TRPM7: variants seen among roughly 807,000 people sequenced by gnomAD.
TRPM7 encodes the protein LTRPC ion channel family member 7.
In TRPM7, 134 loss-of-function variants were observed where a neutral mutation model predicts 229.7. The observed-to-expected ratio is 0.58, with a 90% confidence interval of 0.51 to 0.67. TRPM7 has a LOEUF of 0.67. Among genes scored for constraint, TRPM7 ranks in the 30% least tolerant of loss-of-function variants. The pLI is 0.00. For missense variants in TRPM7, 1,901 were observed against 2,210.0 expected, an observed-to-expected ratio of 0.86 and a Z score of 2.80; for synonymous variants, 699 against 715.2, an observed-to-expected ratio of 0.98 and a Z score of 0.36.
intron 6 of TRPM7, 29 bp from the exon 7 acceptor site, chr15:50,637,622 G>A: frequency 6.3e-7 from 1 of 1,594,134 alleles, no homozygotes; most frequent in Non-Finnish European, 8.6e-7. Context: ...AAGAGTTAGT[G>A]AGCAGGATTA....
intron 7 of TRPM7, among the ~76,000 whole-genome samples, chr15:50,636,530 T>A (rs1457459121): frequency 6.6e-6 from 1 of 152,160 alleles, no homozygotes; most frequent in African/African-American, 2.4e-5. Context: ...TCCACCATAA[T>A]CTGTAAACAC....
chr15:50,615,424 T>C (rs1248783896), intron 13 of TRPM7, among the ~76,000 whole-genome samples: 1 of 152,272 alleles, frequency 6.6e-6, no homozygotes, highest in South Asian at 2.1e-4. Context: ...CATTTTCCCA[T>C]GGCAATTTAC....
chr15:50,560,760 G>T lies in TRPM7; in HGVS notation c.*918C>A, dbSNP rs950419611. 1.3e-5 allele frequency: 2 copies of T among 152,516 alleles called. No homozygotes were observed. The highest frequency in any genetic ancestry group is 2.9e-5 in the Non-Finnish European group (2 of 68,018). 9.4% of individuals were successfully genotyped at this position (152,516 alleles called of 1,614,324 possible). On this transcript the variant is annotated 3_prime_UTR_variant, in exon 39 of 39. Transcript: ENST00000646667. ...TGTTCCAACACAATTTTAAATATAT[G>T]CAAGAGTTCATGTTTACATTCTGAT... is the stretch of plus-strand genomic sequence containing the variant.
intron 31 of TRPM7, 145 bp downstream of exon 31, chr15:50,578,494 A>T: frequency 1.9e-6 from 1 of 526,600 alleles, no homozygotes; most frequent in Non-Finnish European, 3.3e-6. Flanking sequence ...GTAAGGAGAA[A>T]GTATATGAGG....
Position 50,580,864 on chromosome 15 carries a change from G to A in TRPM7, c.4592+10C>T. The A allele has an allele frequency of 6.3e-7, 1 of 1,580,720 alleles. No homozygotes were observed. The highest frequency in any genetic ancestry group is 8.6e-7 in the Non-Finnish European group (1 of 1,169,576). ...CTTCGCAAGCTAATGGTAAGAAAAA[G>A]CTTACTTACATTTCTCTGTTTGATG... On this transcript the variant is annotated intron_variant, in intron 30 of 38. Coordinates refer to ENST00000646667, the MANE Select transcript of TRPM7 (RefSeq NM_017672.6).
At chr15:50,672,866 T>G (rs1398439916) in intron 1 of TRPM7, among the ~76,000 whole-genome samples, 1 of 112,110 alleles carries the variant, frequency 8.9e-6, no homozygotes, top group African/African-American at 3.5e-5. Flanking sequence ...GCCACTGCAC[T>G]CCAGCCAGGG....
chr15:50,577,465 T>A (rs906988998), intron 31 of TRPM7, among the ~76,000 whole-genome samples: 1 of 152,106 alleles, frequency 6.6e-6, no homozygotes, highest in African/African-American at 2.4e-5. Context: ...GAGAACTGCT[T>A]GAACCTGGGA....
chr15:50,583,706 A>G (rs2054542589), intron 28 of TRPM7, among the ~76,000 whole-genome samples: 1 of 151,738 alleles, frequency 6.6e-6, no homozygotes, highest in African/African-American at 2.4e-5. Flanking sequence ...CCTCCCTAGT[A>G]GCTGGCATTA....
intron 17 of TRPM7, 54 bp from the exon 18 acceptor site, chr15:50,610,015 A>G (rs2140466565): frequency 1.6e-6 from 2 of 1,246,110 alleles, no homozygotes; most frequent in South Asian, 1.6e-5. Flanking sequence ...CTTCAAGAAT[A>G]TAATAAAAAC....
intron 15 of TRPM7, 150 bp downstream of exon 15, chr15:50,613,557 C>A: frequency 6.1e-6 from 2 of 328,962 alleles, no homozygotes; most frequent in Non-Finnish European, 1.1e-5. Flanking sequence ...ATTAATATCT[C>A]TGTGTGTGAG....
chr15:50,597,288 A>C (rs1473952597), intron 22 of TRPM7, among the ~76,000 whole-genome samples: 1 of 152,188 alleles, frequency 6.6e-6, no homozygotes, highest in African/African-American at 2.4e-5. Context: ...GAATAAAGTA[A>C]ATTAGGCAGG....
chr15:50,584,633 T>A (rs966418353), intron 28 of TRPM7, among the ~76,000 whole-genome samples: 68 of 151,306 alleles, frequency 4.5e-4, no homozygotes, highest in African/African-American at 1.0e-3. Context: ...TTTTTTTTTT[T>A]AAATTTTGGA....
intron 36 of TRPM7, 37 bp downstream of exon 36, chr15:50,574,237 G>A (rs750413105): frequency 5.6e-5 from 85 of 1,509,546 alleles, no homozygotes; most frequent in Middle Eastern, 5.2e-4. Context: ...AGAACCTACT[G>A]CAGAATTTCA....
At chr15:50,594,325 C>T in intron 24 of TRPM7, 104 bp downstream of exon 24, 3 of 1,078,428 alleles carry the variant, frequency 2.8e-6, no homozygotes, top group Non-Finnish European at 4.0e-6. Flanking sequence ...TCTACCATAA[C>T]ATTAATCCAC....
At chr15:50,656,782 A>G (rs1008230202) in intron 3 of TRPM7, among the ~76,000 whole-genome samples, 1 of 152,006 alleles carries the variant, frequency 6.6e-6, no homozygotes, top group Non-Finnish European at 1.5e-5. Flanking sequence ...TCAGACCCTA[A>G]AGCATATTAC....
In TRPM7 at chr15:50,594,592, C is replaced by T. The variant is rs1407585432; in HGVS notation, c.3312G>A (p.Lys1104=). 1.9e-6 allele frequency: 3 copies of T among 1,602,146 alleles called. No homozygotes were observed. The East Asian group carries it at 6.7e-5, about 36-fold the overall frequency. Residue 1104 remains lysine (K), a synonymous_variant, in exon 24 of 39, where the codon AAG becomes AAA. Coordinates refer to ENST00000646667, the MANE Select transcript of TRPM7 (RefSeq NM_017672.6). ...AFFNNVYLQV[K]AISNIVWKYQ... Reference sequence around the variant, plus strand: ...ACTTCCATACAATATTGGAAATTGCCTTCACTTGTAAATACACATTGCTAG... The same window carrying T: ...ACTTCCATACAATATTGGAAATTGCTTTCACTTGTAAATACACATTGCTAG...
In TRPM7 at chr15:50,613,822, G is replaced by C; in HGVS notation, c.1655C>G (p.Ser552Cys). ...GNNRRSGRNT[S>C]SSTPQLRKSH... Reference sequence around the variant, plus strand: ...CTTTCGCAACTGAGGAGTGCTGCTGGAGGTATTTCGGCCAGACCTCTGAAA... The same window carrying C: ...CTTTCGCAACTGAGGAGTGCTGCTGCAGGTATTTCGGCCAGACCTCTGAAA... The change falls in exon 15 of 39, where the codon TCC becomes TGC. Residue 552 changes from serine to cysteine, a missense_variant. Physicochemically the swap from Ser to Cys is moderately radical, Grantham distance 112 (BLOSUM62 -1). This residue lies in a region of TRPM7 where 794 missense variants were observed against 881.9 expected (regional missense o/e 0.90). Coordinates refer to ENST00000646667, the MANE Select transcript of TRPM7 (RefSeq NM_017672.6). 1 of 1,612,436 alleles carries C rather than the reference G, an allele frequency of 6.2e-7. No individual in the cohort carries two copies. The highest frequency in any genetic ancestry group is 8.5e-7 in the Non-Finnish European group (1 of 1,179,668).
chr15:50,684,540 C>G (rs1036937217), intron 1 of TRPM7, among the ~76,000 whole-genome samples: 4 of 151,956 alleles, frequency 2.6e-5, no homozygotes, highest in Non-Finnish European at 5.9e-5. Context: ...ACTCGGGAGG[C>G]TGAGGCAGGA....
chr15:50,637,763 C>T (rs1207959616), intron 6 of TRPM7, among the ~76,000 whole-genome samples, 170 bp from the exon 7 acceptor site: 1 of 152,174 alleles, frequency 6.6e-6, no homozygotes. Flanking sequence ...TTTTAAGCAG[C>T]TGAGGATTAA....
Sources: allele counts gnomAD v4.1 joint callset (sites outside exome capture counted in the v4.1 genomes callset), GRCh38; gene constraint gnomAD v4.1.1; regional missense constraint gnomAD v4.1.1; transcripts MANE v1.5; gene names NCBI Gene and HGNC (gene_info 2026-07-23, HGNC 2026-07-21).